Variants in SV2C observed in about 807,000 individuals in gnomAD.
SV2C encodes the protein synaptic vesicle glycoprotein 2C, also known as solute carrier family 22 member B3.
In SV2C, 49 loss-of-function variants were observed where a neutral mutation model predicts 79.7. That is an observed-to-expected ratio of 0.61 (90% CI 0.49 to 0.78). The LOEUF (loss-of-function observed/expected upper bound fraction) is 0.78, where lower values mean the gene tolerates loss of function less well. Among genes scored for constraint, SV2C ranks in the 30% least tolerant of loss-of-function variants. The pLI is 0.00. For missense variants in SV2C, 833 were observed against 912.9 expected, an observed-to-expected ratio of 0.91 and a Z score of 1.13; for synonymous variants, 334 against 333.2, an observed-to-expected ratio of 1.00 and a Z score of -0.03.
the SV2C span, among the ~76,000 whole-genome samples, chr5:76,024,205 T>A: frequency 1.4e-4 from 21 of 152,304 alleles, no homozygotes; most frequent in African/African-American, 4.8e-4. Context: ...TGGGGATTTC[T>A]ATAAGCATTG....
the SV2C span, among the ~76,000 whole-genome samples, chr5:76,049,019 G>GAAAGAA: frequency 1.1e-5 from 1 of 89,308 alleles, no homozygotes; most frequent in Non-Finnish European, 2.2e-5. Context: ...AAGAAAGAAA[G>GAAAGAA]AAAGAAAAAG....
At chr5:75,977,624 C>T in the SV2C span, among the ~76,000 whole-genome samples, 1 of 152,146 alleles carries the variant, frequency 6.6e-6, no homozygotes, top group East Asian at 1.9e-4. Flanking sequence ...GAGCCTTCTC[C>T]TCACCCATAG....
chr5:76,045,582 G>A, the SV2C span, among the ~76,000 whole-genome samples: 18 of 152,224 alleles, frequency 1.2e-4, no homozygotes, highest in African/African-American at 1.7e-4. Flanking sequence ...TGCATTGAGC[G>A]AATTAGCTGC....
chr5:75,848,489 G>C, the SV2C span, among the ~76,000 whole-genome samples: 5 of 152,198 alleles, frequency 3.3e-5, no homozygotes, highest in South Asian at 6.2e-4. Context: ...ATTTAACCTG[G>C]TAAGTGACTT....
the SV2C span, among the ~76,000 whole-genome samples, chr5:75,908,801 C>A: frequency 6.6e-6 from 1 of 152,200 alleles, no homozygotes; most frequent in Non-Finnish European, 1.5e-5. Flanking sequence ...GCTCCACCAG[C>A]CTCAAACAGT....
At chr5:75,982,232 TAAAAA>T in the SV2C span, among the ~76,000 whole-genome samples, 11 of 109,788 alleles carry the variant, frequency 1.0e-4, no homozygotes, top group African/African-American at 3.2e-4. Context: ...ATTAAAAAAA[TAAAAA>T]GAAAAAAAAA....
chr5:76,096,997 T>C (rs536608586), intron 1 of SV2C, among the ~76,000 whole-genome samples: 1 of 152,240 alleles, frequency 6.6e-6, no homozygotes, highest in East Asian at 1.9e-4. Flanking sequence ...CTCTCTATAT[T>C]TATATCCATA....
At chr5:75,948,114 C>A in the SV2C span, among the ~76,000 whole-genome samples, 6 of 151,982 alleles carry the variant, frequency 3.9e-5, no homozygotes, top group African/African-American at 7.2e-5. Flanking sequence ...CCCTCATATA[C>A]ACCTATTTTT....
chr5:75,984,536 C>CCTAT, the SV2C span, among the ~76,000 whole-genome samples: 5,533 of 144,980 alleles, frequency 0.038, 155 homozygotes, highest in East Asian at 0.1. Flanking sequence ...GATCTATCTG[C>CCTAT]CTATCTATCT....
intron 3 of SV2C, among the ~76,000 whole-genome samples, chr5:76,202,032 A>AG (rs1247623481): frequency 6.6e-6 from 1 of 150,884 alleles, no homozygotes; most frequent in African/African-American, 2.4e-5. Flanking sequence ...AAAAAAAAAA[A>AG]AAAAGAAAGA....
At chr5:75,896,855 A>G in the SV2C span, among the ~76,000 whole-genome samples, 2 of 148,408 alleles carry the variant, frequency 1.3e-5, no homozygotes, top group Non-Finnish European at 2.9e-5. Context: ...TTTTGGCTGC[A>G]TAAATGTCTT....
the SV2C span, among the ~76,000 whole-genome samples, chr5:76,035,895 G>A: frequency 2.0e-5 from 3 of 152,066 alleles, no homozygotes; most frequent in Non-Finnish European, 4.4e-5. Context: ...CTCTTTGTAG[G>A]TCACTCAGGA....
chr5:76,220,753 C>T (rs1324663808), intron 4 of SV2C, among the ~76,000 whole-genome samples: 2 of 152,078 alleles, frequency 1.3e-5, no homozygotes, highest in Non-Finnish European at 1.5e-5. Flanking sequence ...GGTGTAGTAG[C>T]TCAGCGGTCA....
At chr5:76,120,427 T>G (rs1240254975) in intron 1 of SV2C, among the ~76,000 whole-genome samples, 1 of 150,388 alleles carries the variant, frequency 6.6e-6, no homozygotes, top group African/African-American at 2.5e-5. Context: ...GCAGGTTAGT[T>G]ACATATGTAT....
chr5:76,258,605 A>G (rs1746368386), intron 4 of SV2C, among the ~76,000 whole-genome samples: 1 of 152,210 alleles, frequency 6.6e-6, no homozygotes, highest in South Asian at 2.1e-4. Context: ...TAAAGTGTCT[A>G]TGCCTGGAGC....
intron 1 of SV2C, among the ~76,000 whole-genome samples, chr5:76,124,649 A>G (rs1748642334): frequency 6.6e-6 from 1 of 152,196 alleles, no homozygotes; most frequent in Admixed American, 6.5e-5. Context: ...TTCCTAGATT[A>G]TATGGTAATT....
chr5:76,109,294 CA>C (rs1354056526), intron 1 of SV2C, among the ~76,000 whole-genome samples: 5 of 152,156 alleles, frequency 3.3e-5, no homozygotes, highest in Non-Finnish European at 7.3e-5. Flanking sequence ...CTTGAGATTA[CA>C]AGAATAGTGC....
At chr5:76,256,160 C>T (rs1746258329) in intron 4 of SV2C, among the ~76,000 whole-genome samples, 1 of 152,190 alleles carries the variant, frequency 6.6e-6, no homozygotes, top group African/African-American at 2.4e-5. Flanking sequence ...GTCTCTGGCC[C>T]TCAGAGCTAG....
the SV2C span, among the ~76,000 whole-genome samples, chr5:75,901,534 G>C: frequency 1.3e-5 from 2 of 152,156 alleles, no homozygotes; most frequent in Non-Finnish European, 1.5e-5. Flanking sequence ...CAGGGGTCAG[G>C]GGTCAGGGAC....
Sources: allele counts gnomAD v4.1 joint callset (sites outside exome capture counted in the v4.1 genomes callset), GRCh38; gene constraint gnomAD v4.1.1; transcripts MANE v1.5; gene names NCBI Gene and HGNC (gene_info 2026-07-23, HGNC 2026-07-21).